Variants in TADA3 observed in about 807,000 individuals in gnomAD.
TADA3 encodes the protein transcriptional adapter 3.
A neutral mutation model predicts 43.2 loss-of-function variants in TADA3; 25 were observed. That is an observed-to-expected ratio of 0.58 (90% CI 0.42 to 0.81). TADA3 has a LOEUF of 0.81. TADA3 is among the 30% of genes least tolerant of loss of function. The pLI is 0.00. For synonymous variants in TADA3, 235 were observed against 225.5 expected (o/e 1.04, Z -0.38); for missense variants, 441 against 567.8 (o/e 0.78, Z 2.27).
intron 7 of TADA3, 39 bp from the exon 8 acceptor site, chr3:9,784,252 C>A (rs897481607): frequency 6.3e-7 from 1 of 1,582,140 alleles, no homozygotes; most frequent in Non-Finnish European, 8.6e-7. Flanking sequence ...CAAGAGCCAG[C>A]TTGGAGAAGG....
chr3:9,787,968 A>T (rs1045680916), intron 4 of TADA3: 47 of 341,174 alleles, frequency 1.4e-4, no homozygotes, highest in Non-Finnish European at 2.0e-4. Flanking sequence ...AATGAGGGCG[A>T]GATACTTGGT....
In TADA3 at chr3:9,791,447, C is replaced by A. The variant is rs1165229355; in HGVS notation, c.20G>T (p.Cys7Phe). MSELKD[C>F]PLQFHDFKSV... ...CTTGAAGTCGTGGAACTGCAAGGGG[C>A]AGTCTTTCAACTCACTCATGGCCCA... Residue 7 changes from cysteine (C) to phenylalanine (F), a missense_variant, in exon 2 of 9, where the codon TGC (cysteine) becomes TTC (phenylalanine). Cys to Phe is a radical substitution (Grantham distance 205). Transcript: ENST00000301964. The A allele has an allele frequency of 6.2e-7, 1 of 1,612,278 alleles. No individual in the cohort carries two copies. The highest frequency in any genetic ancestry group is 1.3e-5 in the African/African-American group (1 of 74,920).
intron 8 of TADA3, among the ~76,000 whole-genome samples, chr3:9,782,472 C>T (rs1263952694): frequency 6.6e-6 from 1 of 152,212 alleles, no homozygotes; most frequent in Non-Finnish European, 1.5e-5. Context: ...CCTCAGCATA[C>T]ATTAGTCACT....
chr3:9,781,687 T>G (rs1024659969), intron 8 of TADA3: 2 of 432,752 alleles, frequency 4.6e-6, no homozygotes, highest in Non-Finnish European at 9.6e-6. Context: ...ACTTAGTGAT[T>G]GAGTCCAGCC....
intron 4 of TADA3, chr3:9,788,023 A>ATGGAGAGGGGCAC: frequency 3.4e-6 from 1 of 294,006 alleles, no homozygotes; most frequent in Non-Finnish European, 6.7e-6. Flanking sequence ...GCCGAGGAAA[A>ATGGAGAGGGGCAC]TGGAGAGGGG....
At position 9,789,896 on chromosome 3, in the gene TADA3, A is replaced by G. The variant is rs1011618269; in HGVS notation, c.275T>C (p.Leu92Pro). Residue 92 changes from leucine to proline, a missense_variant, in exon 3 of 9, where the codon CTT (leucine) becomes CCT (proline). Leu to Pro is a moderately conservative substitution (Grantham distance 98). Transcript: ENST00000301964. ...CTTCCCATGTTTGGGGGGAGCTCCA[A>G]GTTCATGGTCTCGACCCAGCTTCAG... Reference protein sequence around the residue: ...RFLKLGRDHELGAPPKHGKPK... With the variant: ...RFLKLGRDHEPGAPPKHGKPK... 1 of 1,614,164 alleles carries G rather than the reference A, an allele frequency of 6.2e-7. No individual in the cohort carries two copies. Among genetic ancestry groups the G allele is most frequent in the Non-Finnish European group, 8.5e-7 (1 of 1,180,020 alleles).
At chr3:9,792,729 G>C (rs527257995), upstream of TADA3, 3 of 1,236,800 alleles carry the variant, frequency 2.4e-6, no homozygotes, top group Non-Finnish European at 3.0e-6. Flanking sequence ...GAGAAAGGAT[G>C]GGGGTACAGA....
intron 2 of TADA3, among the ~76,000 whole-genome samples, chr3:9,790,568 C>G (rs932353076): frequency 2.6e-5 from 4 of 152,198 alleles, no homozygotes; most frequent in African/African-American, 9.7e-5. Context: ...TTAACCATCT[C>G]TATTTTGCAG....
At chr3:9,792,934 A>C, upstream of TADA3, 1 of 1,400,434 alleles carries the variant, frequency 7.1e-7, no homozygotes, top group South Asian at 1.5e-5. Context: ...AAAAATACCG[A>C]GACAGCCCTA....
At chr3:9,789,340 C>G (rs544780265) in intron 4 of TADA3, among the ~76,000 whole-genome samples, 169 bp downstream of exon 4, 1 of 152,014 alleles carries the variant, frequency 6.6e-6, no homozygotes, top group African/African-American at 2.4e-5. Context: ...AGGCAGTGCA[C>G]GGAGAAAGCT....
At chr3:9,790,411 T>C (rs1369538712) in intron 2 of TADA3, among the ~76,000 whole-genome samples, 1 of 152,150 alleles carries the variant, frequency 6.6e-6, no homozygotes, top group Non-Finnish European at 1.5e-5. Flanking sequence ...TCCTTTTAGG[T>C]CCAGTTGGCA....
At chr3:9,782,473 A>C (rs1198303189) in intron 8 of TADA3, among the ~76,000 whole-genome samples, 1 of 152,236 alleles carries the variant, frequency 6.6e-6, no homozygotes, top group Non-Finnish European at 1.5e-5. Context: ...CTCAGCATAC[A>C]TTAGTCACTC....
chr3:9,792,419 G>A lies in TADA3; in HGVS notation c.-231C>T. ...TCGCTGCGGCCTCCTACGGCCCCAG[G>A]GGCCGCGGGAGGGGGCGGGGAGTTC... On this transcript the variant is annotated 5_prime_UTR_variant, in exon 1 of 9. Transcript: ENST00000301964. The A allele has an allele frequency of 9.6e-7, 1 of 1,038,074 alleles. No individual in the cohort carries two copies. The highest frequency in any genetic ancestry group is 1.2e-6 in the Non-Finnish European group (1 of 849,370). The allele number at this position is 1,038,074 out of a possible 1,614,324, so 64.3% of individuals were successfully genotyped here.
intron 4 of TADA3, 101 bp downstream of exon 4, chr3:9,789,408 T>C (rs2078687200): frequency 2.8e-6 from 3 of 1,074,570 alleles, no homozygotes; most frequent in African/African-American, 3.2e-5. Flanking sequence ...CTGGGCAGGG[T>C]TGGGGAAGGA....
chr3:9,787,925 C>T, intron 4 of TADA3: 1 of 361,746 alleles, frequency 2.8e-6, no homozygotes, highest in Non-Finnish European at 5.4e-6. Context: ...TGCCAGAGGC[C>T]CAGAGACCAG....
intron 1 of TADA3, among the ~76,000 whole-genome samples, 154 bp downstream of exon 1, chr3:9,792,062 G>A (rs1230216362): frequency 6.6e-6 from 1 of 152,216 alleles, no homozygotes; most frequent in African/African-American, 2.4e-5. Context: ...TCAAGCCCAG[G>A]CTTTACCATT....
At chr3:9,786,500 G>A (rs904874549) in intron 6 of TADA3, among the ~76,000 whole-genome samples, 1 of 151,962 alleles carries the variant, frequency 6.6e-6, no homozygotes, top group East Asian at 1.9e-4. Flanking sequence ...CAGGTATAAA[G>A]ACAGGGCCCC....
chr3:9,785,112 G>A (rs929309758), intron 7 of TADA3, among the ~76,000 whole-genome samples: 1 of 152,152 alleles, frequency 6.6e-6, no homozygotes, highest in African/African-American at 2.4e-5. Flanking sequence ...GGTTATTTAT[G>A]GTATGAACAG....
chr3:9,781,833 C>CTTTTT (rs35246642), intron 8 of TADA3, among the ~76,000 whole-genome samples: 44 of 86,872 alleles, frequency 5.1e-4, no homozygotes, highest in African/African-American at 1.8e-3. Context: ...CCCATTACTT[C>CTTTTT]TTTTTTTTTT....
Sources: gnomAD v4.1 joint callset for allele counts (sites outside exome capture counted in the v4.1 genomes callset) on GRCh38, gnomAD v4.1.1 for gene constraint, MANE v1.5 for transcripts, NCBI Gene and HGNC (gene_info 2026-07-23, HGNC 2026-07-21) for gene names.